The following ZNF605 variants were observed in gnomAD, a reference collection of about 807,000 sequenced individuals.
ZNF605 encodes the protein zinc finger protein 605.
A neutral mutation model predicts 7.9 loss-of-function variants in ZNF605; 9 were observed. That is an observed-to-expected ratio of 1.14 (90% confidence interval 0.68 to 1.98). The LOEUF (loss-of-function observed/expected upper bound fraction) is 1.98, where lower values mean the gene tolerates loss of function less well. Ranked by LOEUF, ZNF605 falls within the 30% of genes most tolerant of loss-of-function variation. ZNF605 has a pLI of 0.00. For synonymous variants in ZNF605, 255 were observed against 260.1 expected (o/e 0.98, Z 0.19); for missense variants, 673 against 762.4 (o/e 0.88, Z 1.38).
intron 4 of ZNF605, among the ~76,000 whole-genome samples, chr12:132,928,068 T>C (rs1952266515): frequency 6.6e-6 from 1 of 152,236 alleles, no homozygotes; most frequent in Non-Finnish European, 1.5e-5. Context: ...TAGTTTACTT[T>C]TTTGACAATA....
Position 132,921,804 on chromosome 12 carries a change from G to A in ZNF605, c.*3569C>T, listed in dbSNP as rs968287930. Reference sequence around the variant, plus strand: ...GAGGTTTGTGTCCAGCTGGAGAGAAGGCCTGGTGGACAGAAGACAAAGGAA... The same window carrying A: ...GAGGTTTGTGTCCAGCTGGAGAGAAAGCCTGGTGGACAGAAGACAAAGGAA... On this transcript the variant is annotated 3_prime_UTR_variant, in exon 5 of 5. Transcript: ENST00000360187. 1 of 152,236 alleles carries A rather than the reference G, an allele frequency of 6.6e-6. No individual in the cohort carries two copies. Among genetic ancestry groups the A allele is most frequent in the African/African-American group, 2.4e-5 (1 of 41,456 alleles). The allele number at this position is 152,236 out of a possible 1,614,324, so 9.4% of individuals were successfully genotyped here.
At position 132,954,500 on chromosome 12, in the gene ZNF605, C is replaced by T. The variant is rs1489822454; in HGVS notation, c.-286+1743G>A. On this transcript the variant is annotated intron_variant, in intron 1 of 4. Transcript: ENST00000360187. The stretch of plus-strand genomic sequence containing the variant: ...AGGGGCTTCTGTCCTGGGACGAACA[C>T]ACTGGTCTCCATTCACTCACTTCAT... Among the ~76,000 whole-genome samples, 2 of 60,356 alleles carry T rather than the reference C, an allele frequency of 3.3e-5. 1 individual carries two copies. The highest frequency in any genetic ancestry group is 7.3e-5 in the Non-Finnish European group (2 of 27,518). 39.6% of individuals were successfully genotyped at this position (60,356 alleles called of 152,430 possible).
chr12:132,928,564 A>G (rs1271702896), intron 4 of ZNF605, among the ~76,000 whole-genome samples: 1 of 152,242 alleles, frequency 6.6e-6, no homozygotes, highest in East Asian at 1.9e-4. Context: ...TTCATCCAAT[A>G]AGTACAATTG....
At position 132,925,377 on chromosome 12, in the gene ZNF605, A is replaced by C; in HGVS notation, c.1922T>G (p.Ile641Arg). The C allele has an allele frequency of 6.4e-7, 1 of 1,571,574 alleles. No homozygotes were observed. Among genetic ancestry groups the C allele is most frequent in the East Asian group, 2.3e-5 (1 of 44,394 alleles). The change falls in exon 5 of 5, where the codon ATA (isoleucine) becomes AGA (arginine). Residue 641 changes from isoleucine (I) to arginine (R), a missense_variant. Ile to Arg is a moderately conservative substitution (Grantham distance 97). Transcript: ENST00000360187. Reference sequence around the variant, plus strand: ...CATTCGCCAAAGTCATGATTTTTATATTATATGATTTCTCTGATGTATCAT... The same window carrying C: ...CATTCGCCAAAGTCATGATTTTTATCTTATATGATTTCTCTGATGTATCAT... ...QLMIHQRNHI[I>R]
chr12:132,938,692 G>A (rs1346384400), intron 3 of ZNF605, among the ~76,000 whole-genome samples: 1 of 152,186 alleles, frequency 6.6e-6, no homozygotes, highest in Non-Finnish European at 1.5e-5. Context: ...CACTGTGGGA[G>A]CCCCTTTCTG....
chr12:132,949,054 GC>G (rs1201556376), intron 1 of ZNF605, among the ~76,000 whole-genome samples: 1 of 152,156 alleles, frequency 6.6e-6, no homozygotes, highest in Non-Finnish European at 1.5e-5. Context: ...GTATTAACTG[GC>G]CATAAAAATA....
chr12:132,953,968 T>C (rs1470352969), intron 1 of ZNF605, among the ~76,000 whole-genome samples: 6 of 151,944 alleles, frequency 3.9e-5, no homozygotes, highest in Admixed American at 6.6e-5. Flanking sequence ...CGGTCACTAA[T>C]ACAAACAAGC....
Position 132,923,874 on chromosome 12 carries a change from C to T in ZNF605, c.*1499G>A, listed in dbSNP as rs1952224185. The T allele has an allele frequency of 6.6e-6, 1 of 152,070 alleles. No individual in the cohort carries two copies. The highest frequency in any genetic ancestry group is 2.4e-5 in the African/African-American group (1 of 41,388). The allele number at this position is 152,070 out of a possible 1,614,324, so 9.4% of individuals were successfully genotyped here. ...CCTATTCTCTTCCTCTTCTCTAAGT[C>T]TTTTTTTCTCTCTGTATATCACTTT... On this transcript the variant is annotated 3_prime_UTR_variant, in exon 5 of 5. Transcript: ENST00000360187.
At chr12:132,934,466 G>A (rs905438419) in intron 3 of ZNF605, among the ~76,000 whole-genome samples, 173 of 151,914 alleles carry the variant, frequency 1.1e-3, no homozygotes, top group Non-Finnish European at 2.1e-3. Context: ...AGCACTTTGG[G>A]AGGCCAAGGC....
intron 4 of ZNF605, among the ~76,000 whole-genome samples, chr12:132,932,530 C>G (rs1952318016): frequency 1.3e-5 from 2 of 152,112 alleles, no homozygotes; most frequent in Non-Finnish European, 2.9e-5. Context: ...AAGACACATC[C>G]CGATGTGGAG....
chr12:132,928,636 A>G (rs1952271983), intron 4 of ZNF605, among the ~76,000 whole-genome samples: 1 of 152,138 alleles, frequency 6.6e-6, no homozygotes, highest in African/African-American at 2.4e-5. Flanking sequence ...TGACTTTTTG[A>G]TGATATTATT....
intron 3 of ZNF605, among the ~76,000 whole-genome samples, chr12:132,940,084 G>T (rs1225330827): frequency 6.6e-6 from 1 of 151,494 alleles, no homozygotes; most frequent in East Asian, 1.9e-4. Context: ...CTTGAAGTCA[G>T]TGAGACCAAG....
At chr12:132,940,984 C>G (rs578043211) in intron 3 of ZNF605, among the ~76,000 whole-genome samples, 1 of 150,972 alleles carries the variant, frequency 6.6e-6, no homozygotes, top group East Asian at 2.0e-4. Context: ...TAAATAAGAA[C>G]AGAGAACATT....
chr12:132,950,137 C>G (rs1312551286), intron 1 of ZNF605, among the ~76,000 whole-genome samples: 1 of 152,032 alleles, frequency 6.6e-6, no homozygotes, highest in African/African-American at 2.4e-5. Flanking sequence ...CCTGGGGTCC[C>G]TGAGATCAAG....
chr12:132,937,927 G>A (rs1425549464), intron 3 of ZNF605, among the ~76,000 whole-genome samples: 1 of 152,240 alleles, frequency 6.6e-6, no homozygotes, highest in Non-Finnish European at 1.5e-5. Context: ...TCAAAGGTAT[G>A]CTAAGTGAGA....
intron 3 of ZNF605, among the ~76,000 whole-genome samples, chr12:132,937,448 A>C (rs999347849): frequency 1.3e-5 from 2 of 152,110 alleles, no homozygotes; most frequent in African/African-American, 4.8e-5. Flanking sequence ...GGTGAATGCA[A>C]ATTAAAACTA....
At chr12:132,950,623 CACAG>C (rs1240576644) in intron 1 of ZNF605, among the ~76,000 whole-genome samples, 4 of 151,306 alleles carry the variant, frequency 2.6e-5, no homozygotes, top group African/African-American at 9.7e-5. Flanking sequence ...GACAGGCATA[CACAG>C]ACACCCTGAG....
rs1342862121 is a variant in ZNF605 at position 132,941,814 on chromosome 12, G to A, written c.15+3807C>T. 2.0e-5 allele frequency among the ~76,000 whole-genome samples: 3 copies of A among 149,774 alleles called. No homozygotes were observed. Among genetic ancestry groups the A allele is most frequent in the Non-Finnish European group, 4.4e-5 (3 of 67,494 alleles). ...CCTTTTCCAGGCTGCCCTCTGTCACGCTCCTTCTCGAGGCTGCCCTCCATC... is the reference window on the plus strand; with the variant it reads ...CCTTTTCCAGGCTGCCCTCTGTCACACTCCTTCTCGAGGCTGCCCTCCATC... On this transcript the variant is annotated intron_variant, in intron 3 of 4. Coordinates refer to ENST00000360187, the MANE Select transcript of ZNF605 (RefSeq NM_183238.4). The surrounding 1 kb of genome is among the most constrained non-coding windows in gnomAD (Gnocchi z 5.1).
At position 132,926,253 on chromosome 12, in the gene ZNF605, T is replaced by C; in HGVS notation, c.1046A>G (p.Asn349Ser). ...CCTCTGATGCCTAATGAGAAGTGAG[T>C]TCCTGCTGAAGGCTTTTTGACACTC... is the stretch of plus-strand genomic sequence containing the variant. The part of the protein sequence containing the change: ...CGECQKAFSR[N>S]SLLIRHQRIH... The change falls in exon 5 of 5, where the codon AAC becomes AGC. Residue 349 changes from asparagine to serine, a missense_variant. Physicochemically the swap from Asn to Ser is conservative, Grantham distance 46 (BLOSUM62 1). Transcript: ENST00000360187. 6.2e-7 allele frequency: 1 copy of C among 1,613,716 alleles called. No individual in the cohort carries two copies. The highest frequency in any genetic ancestry group is 8.5e-7 in the Non-Finnish European group (1 of 1,179,938).
Sources: gnomAD v4.1 joint callset for allele counts (sites outside exome capture counted in the v4.1 genomes callset) on GRCh38, gnomAD v4.1.1 for gene constraint, Gnocchi (gnomAD v3.1) non-coding constraint, MANE v1.5 for transcripts, NCBI Gene and HGNC (gene_info 2026-07-23, HGNC 2026-07-21) for gene names.